PDLIM1: variants seen among roughly 807,000 people sequenced by gnomAD.
PDLIM1 encodes the protein PDZ and LIM domain 1.
A neutral mutation model predicts 35.2 loss-of-function variants in PDLIM1; 25 were observed. The observed-to-expected ratio is 0.71, with a 90% CI of 0.52 to 0.99. The LOEUF is 0.99. PDLIM1 is among the 50% of genes least tolerant of loss of function. PDLIM1 has a pLI of 0.00. For missense variants in PDLIM1, 363 were observed against 415.3 expected (o/e 0.87, Z 1.09); for synonymous variants, 152 against 154.0 (o/e 0.99, Z 0.10).
chr10:95,284,928 C>T (rs993005401), intron 1 of PDLIM1, among the ~76,000 whole-genome samples: 2 of 152,180 alleles, frequency 1.3e-5, no homozygotes, highest in African/African-American at 4.8e-5. Flanking sequence ...ACAAGAGTAT[C>T]AATAATCACA....
chr10:95,259,421 T>C (rs533018365), intron 4 of PDLIM1, among the ~76,000 whole-genome samples: 111 of 152,256 alleles, frequency 7.3e-4, no homozygotes, highest in Admixed American at 1.4e-3. Context: ...AGAAATGAGA[T>C]GTCCCAGCCT....
intron 4 of PDLIM1, among the ~76,000 whole-genome samples, chr10:95,261,876 C>A (rs45459098): frequency 6.6e-6 from 1 of 152,006 alleles, no homozygotes; most frequent in Non-Finnish European, 1.5e-5. Flanking sequence ...GGCGTGGTGG[C>A]GCATGCCTGT....
Position 95,290,632 on chromosome 10 carries a change from G to T in PDLIM1, c.96+188C>A, listed in dbSNP as rs1279930493. On this transcript the variant is annotated intron_variant, in intron 1 of 6. Transcript: ENST00000329399. This position sits in a 1 kb window ranked among gnomAD's most constrained non-coding sequence, Gnocchi z 4.7. ...GCGGCGGGCCGACCAGCCCGGGAGC[G>T]CAGCCTCCGCGAAGGGGCGGCGGGG... Among the ~76,000 whole-genome samples the T allele has an allele frequency of 2.0e-5, 3 of 151,662 alleles. 1 individual carries two copies. Among genetic ancestry groups the T allele is most frequent in the Non-Finnish European group, 4.4e-5 (3 of 67,838 alleles).
chr10:95,261,949 G>A (rs915074662), intron 4 of PDLIM1, among the ~76,000 whole-genome samples: 8 of 151,698 alleles, frequency 5.3e-5, no homozygotes, highest in Non-Finnish European at 7.4e-5. Flanking sequence ...CGGAGGTTGT[G>A]GTGAGCAGAG....
chr10:95,246,584 T>C (rs1020800956), intron 5 of PDLIM1, among the ~76,000 whole-genome samples: 3 of 152,180 alleles, frequency 2.0e-5, no homozygotes, highest in African/African-American at 7.2e-5. Flanking sequence ...ACACAACTTA[T>C]GCCATTTCAT....
rs759332156 is a variant in PDLIM1, at chr10:95,238,876, T to C, written c.686-191A>G. 7.8e-6 allele frequency: 4 copies of C among 512,352 alleles called. No individual in the cohort carries two copies. In the Admixed American group the frequency reaches 1.3e-4, roughly 16 times the overall value. The allele number at this position is 512,352 out of a possible 1,614,324, so 31.7% of individuals were successfully genotyped here. On this transcript the variant is annotated intron_variant, in intron 5 of 6. Transcript: ENST00000329399. ...TTTATTTTTCTATAAAATAGGAGAT[T>C]AACACCTGGCCAAAGAAAAGCCCAA...
chr10:95,275,038 A>G (rs2035499401), intron 1 of PDLIM1, among the ~76,000 whole-genome samples: 2 of 152,172 alleles, frequency 1.3e-5, no homozygotes, highest in African/African-American at 4.8e-5. Flanking sequence ...AGAGCTCACA[A>G]TATTTGCAAC....
chr10:95,238,444 T>A, intron 6 of PDLIM1, 124 bp downstream of exon 6: 1 of 725,158 alleles, frequency 1.4e-6, no homozygotes, highest in Non-Finnish European at 2.5e-6. Context: ...GCCTCTCTGT[T>A]GCATTTTTCC....
chr10:95,258,031 G>A (rs968392260), intron 4 of PDLIM1, among the ~76,000 whole-genome samples: 1 of 152,182 alleles, frequency 6.6e-6, no homozygotes, highest in Non-Finnish European at 1.5e-5. Context: ...CAATCATGGT[G>A]GAAGGAGGAG....
chr10:95,281,727 A>AAGTGCTAGTTTCACAG, intron 1 of PDLIM1, among the ~76,000 whole-genome samples: 1 of 152,340 alleles, frequency 6.6e-6, no homozygotes, highest in Admixed American at 6.5e-5. Context: ...CCTGGCCTCA[A>AAGTGCTAGTTTCACAG]GCAATCCTCA....
chr10:95,281,843 C>A (rs757956147), intron 1 of PDLIM1, among the ~76,000 whole-genome samples: 8 of 152,168 alleles, frequency 5.3e-5, no homozygotes, highest in Non-Finnish European at 1.2e-4. Flanking sequence ...CGACGTGGGT[C>A]CTATTTTCCC....
At chr10:95,261,833 A>G (rs1156244072) in intron 4 of PDLIM1, among the ~76,000 whole-genome samples, 2 of 151,940 alleles carry the variant, frequency 1.3e-5, no homozygotes, top group Admixed American at 6.6e-5. Flanking sequence ...ACATGGAGAA[A>G]CCCCATCTAT....
intron 4 of PDLIM1, among the ~76,000 whole-genome samples, chr10:95,251,642 AAT>A (rs2035268873): frequency 6.6e-6 from 1 of 152,242 alleles, no homozygotes; most frequent in Non-Finnish European, 1.5e-5. Flanking sequence ...TAAAAATTGG[AAT>A]AGAAACGGGG....
intron 3 of PDLIM1, among the ~76,000 whole-genome samples, chr10:95,266,784 G>A (rs571581899): frequency 6.6e-6 from 1 of 152,288 alleles, no homozygotes; most frequent in African/African-American, 2.4e-5. Flanking sequence ...GTACATAAAA[G>A]GAATATCTCT....
At chr10:95,282,931 G>A (rs749578640) in intron 1 of PDLIM1, among the ~76,000 whole-genome samples, 89 of 152,246 alleles carry the variant, frequency 5.8e-4, no homozygotes, top group Non-Finnish European at 6.2e-4. Context: ...GCGACAGAGC[G>A]AGACTCCGTC....
At chr10:95,277,469 A>C (rs1222392543) in intron 1 of PDLIM1, among the ~76,000 whole-genome samples, 1 of 151,772 alleles carries the variant, frequency 6.6e-6, no homozygotes, top group Non-Finnish European at 1.5e-5. Context: ...GTGAAACCCT[A>C]TCTCTACTAA....
At position 95,248,013 on chromosome 10, in the gene PDLIM1, C is replaced by A. The variant is rs991260488; in HGVS notation, c.534-647G>T. Reference sequence around the variant, plus strand: ...GCAAGCCAGGCCTTGTCTTCCCCACCTTCCTCCTGTCATGCTGGGTGACCC... The same window carrying A: ...GCAAGCCAGGCCTTGTCTTCCCCACATTCCTCCTGTCATGCTGGGTGACCC... On this transcript the variant is annotated intron_variant, in intron 4 of 6. Coordinates refer to ENST00000329399, the MANE Select transcript of PDLIM1 (RefSeq NM_020992.4). Among the ~76,000 whole-genome samples, 4 of 152,356 alleles carry A rather than the reference C, an allele frequency of 2.6e-5. No homozygotes were observed. In the South Asian group the frequency reaches 8.3e-4, roughly 32 times the overall value.
chr10:95,284,922 G>T (rs1028350224), intron 1 of PDLIM1, among the ~76,000 whole-genome samples: 14 of 152,196 alleles, frequency 9.2e-5, no homozygotes. Flanking sequence ...TGGCTAACAA[G>T]AGTATCAATA....
rs2035471874 is a variant in PDLIM1 at position 95,272,305 on chromosome 10, G to GA, written c.97-522dup. ...AATGTTATATATACAAAAGAAAGTG[G>GA]AAACACTGCACACTAAATTGTTCAC... On this transcript the variant is annotated intron_variant, in intron 1 of 6. Coordinates refer to ENST00000329399, the MANE Select transcript of PDLIM1 (RefSeq NM_020992.4). 2.0e-5 allele frequency among the ~76,000 whole-genome samples: 3 copies of GA among 152,208 alleles called. No individual in the cohort carries two copies. In the South Asian group the frequency reaches 6.2e-4, roughly 32 times the overall value.
Sources: gnomAD v4.1 joint callset for allele counts (sites outside exome capture counted in the v4.1 genomes callset) on GRCh38, gnomAD v4.1.1 for gene constraint, Gnocchi (gnomAD v3.1) non-coding constraint, MANE v1.5 for transcripts, NCBI Gene and HGNC (gene_info 2026-07-23, HGNC 2026-07-21) for gene names.